Variants in GALNTL6 observed in about 807,000 individuals in gnomAD.
GALNTL6 encodes the protein polypeptide N-acetylgalactosaminyltransferase like 6.
Under a neutral mutation model 73.7 loss-of-function variants are expected in GALNTL6, and 46 were observed. The ratio of observed to expected loss-of-function variants is 0.62; its 90% CI spans 0.49 to 0.80. The LOEUF is 0.80. GALNTL6 is among the 30% of genes least tolerant of loss of function. The pLI is 0.00. For missense variants in GALNTL6, 604 were observed against 755.0 expected (o/e 0.80, Z 2.34); for synonymous variants, 259 against 263.7 (o/e 0.98, Z 0.17).
chr4:172,870,374 A>G (rs1744863460), intron 7 of GALNTL6, among the ~76,000 whole-genome samples: 1 of 152,034 alleles, frequency 6.6e-6, no homozygotes, highest in Non-Finnish European at 1.5e-5. Context: ...GCCTGAGCAA[A>G]TTTCTATATT....
chr4:172,247,492 C>T (rs1737702536), intron 3 of GALNTL6, among the ~76,000 whole-genome samples: 3 of 152,186 alleles, frequency 2.0e-5, no homozygotes, highest in Admixed American at 2.0e-4. Flanking sequence ...CTCCTTCCAA[C>T]AGTCATTCTC....
chr4:171,967,247 C>T (rs763986030), intron 2 of GALNTL6, among the ~76,000 whole-genome samples: 3 of 152,082 alleles, frequency 2.0e-5, no homozygotes, highest in Non-Finnish European at 2.9e-5. Context: ...TGTTGAGTAC[C>T]GTGTTGAATG....
At chr4:172,221,510 T>C (rs1736675499) in intron 2 of GALNTL6, among the ~76,000 whole-genome samples, 1 of 151,844 alleles carries the variant, frequency 6.6e-6, no homozygotes, top group Non-Finnish European at 1.5e-5. Flanking sequence ...TATTTGCTTT[T>C]ATGTTTCTAC....
chr4:172,546,795 T>TAC lies in GALNTL6; in HGVS notation c.553+198107_553+198108dup, dbSNP rs1735774501. The stretch of plus-strand genomic sequence containing the variant: ...TTTTCAACTCCGCTTTATATATATA[T>TAC]ACGTATATATACGTATATATATACG... On this transcript the variant is annotated intron_variant, in intron 5 of 12. Transcript: ENST00000506823. Among the ~76,000 whole-genome samples, 13 of 38,920 alleles carry TAC rather than the reference T, an allele frequency of 3.3e-4. 1 individual carries two copies. In the South Asian group the frequency reaches 0.012, roughly 36 times the overall value. 25.5% of individuals were successfully genotyped at this position (38,920 alleles called of 152,430 possible).
chr4:171,813,689 GGACGA>G lies in GALNTL6; in HGVS notation c.-468_-464del, dbSNP rs571308649. ...AGCGTGAGAGCGTCACCGGGGGAAG[GGACGA>G]GATTGATGGGCAGAGCGCTCACTTC... On this transcript the variant is annotated 5_prime_UTR_variant, in exon 1 of 13. Coordinates refer to ENST00000506823, the MANE Select transcript of GALNTL6 (RefSeq NM_001034845.3). This position sits in a 1 kb window ranked among gnomAD's most constrained non-coding sequence, Gnocchi z 5.2. 16 of 152,506 alleles carry G rather than the reference GGACGA, an allele frequency of 1.0e-4. No individual in the cohort carries two copies. The South Asian group carries it at 3.3e-3, about 32-fold the overall frequency. 9.4% of individuals were successfully genotyped at this position (152,506 alleles called of 1,614,324 possible).
At chr4:172,189,680 A>G (rs1735516544) in intron 2 of GALNTL6, among the ~76,000 whole-genome samples, 1 of 152,176 alleles carries the variant, frequency 6.6e-6, no homozygotes, top group Non-Finnish European at 1.5e-5. Context: ...CCCTTTTAAA[A>G]TTGAGAAGGG....
chr4:172,250,621 T>G (rs1737826886), intron 3 of GALNTL6, among the ~76,000 whole-genome samples: 1 of 152,118 alleles, frequency 6.6e-6, no homozygotes, highest in Non-Finnish European at 1.5e-5. Context: ...TTCTCTCTCC[T>G]TGCCACCACG....
chr4:172,784,526 G>A (rs755632089), intron 5 of GALNTL6, among the ~76,000 whole-genome samples: 1 of 152,042 alleles, frequency 6.6e-6, no homozygotes, highest in Non-Finnish European at 1.5e-5. Context: ...AGAATGGGTA[G>A]ACAGGGCAAT....
At chr4:172,780,836 A>G (rs571820291) in intron 5 of GALNTL6, among the ~76,000 whole-genome samples, 1 of 152,254 alleles carries the variant, frequency 6.6e-6, no homozygotes, top group Non-Finnish European at 1.5e-5. Flanking sequence ...GGCTGCTGAC[A>G]CCTCTGGGCC....
intron 7 of GALNTL6, among the ~76,000 whole-genome samples, chr4:172,834,463 C>A (rs1742804187): frequency 1.3e-5 from 2 of 152,222 alleles, no homozygotes; most frequent in African/African-American, 4.8e-5. Context: ...CAGGACAAGG[C>A]ACTTCCCAAT....
chr4:172,276,994 C>T (rs540127873), intron 3 of GALNTL6, among the ~76,000 whole-genome samples: 1 of 152,006 alleles, frequency 6.6e-6, no homozygotes, highest in Admixed American at 6.6e-5. Context: ...TATCTTGAAA[C>T]GCTCCTTTTC....
intron 5 of GALNTL6, among the ~76,000 whole-genome samples, chr4:172,517,860 A>C (rs1215648959): frequency 6.6e-6 from 1 of 152,254 alleles, no homozygotes; most frequent in East Asian, 1.9e-4. Context: ...AGCATGAAAA[A>C]ATTAAATTCA....
In GALNTL6 at chr4:172,619,351, C is replaced by A. The variant is rs1320113204; in HGVS notation, c.554-190010C>A. On this transcript the variant is annotated intron_variant, in intron 5 of 12. Coordinates refer to ENST00000506823, the MANE Select transcript of GALNTL6 (RefSeq NM_001034845.3). ...AATACCATACTAGAAAACCTTTACTCTTCATCCTAGTCATTTATTTGCACA... is the reference window on the plus strand; with the variant it reads ...AATACCATACTAGAAAACCTTTACTATTCATCCTAGTCATTTATTTGCACA... 3.9e-5 allele frequency among the ~76,000 whole-genome samples: 6 copies of A among 152,148 alleles called. No homozygotes were observed. In the East Asian group the frequency reaches 1.2e-3, roughly 29 times the overall value.
intron 5 of GALNTL6, among the ~76,000 whole-genome samples, chr4:172,580,150 C>T (rs1737122705): frequency 1.3e-5 from 2 of 152,250 alleles, no homozygotes; most frequent in South Asian, 4.1e-4. Context: ...GTTAATCTCA[C>T]AGTATAAAAT....
At chr4:172,036,223 A>C (rs188859248) in intron 2 of GALNTL6, among the ~76,000 whole-genome samples, 1 of 152,248 alleles carries the variant, frequency 6.6e-6, no homozygotes, top group East Asian at 1.9e-4. Flanking sequence ...TATAGAAAAA[A>C]AATGCAGGCT....
At position 172,138,506 on chromosome 4, in the gene GALNTL6, TATATATA is replaced by T. The variant is rs1475361013; in HGVS notation, c.139-91149_139-91143del. ...ATATATATATATATATATATATATA[TATATATA>T]TTTTTTTTTTTTTTTTTTTTTTTTT... On this transcript the variant is annotated intron_variant, in intron 2 of 12. Transcript: ENST00000506823. 7.5e-4 allele frequency among the ~76,000 whole-genome samples: 12 copies of T among 16,026 alleles called. 1 individual carries two copies. Among genetic ancestry groups the T allele is most frequent in the African/African-American group, 1.3e-3 (6 of 4,498 alleles). The allele number at this position is 16,026 out of a possible 152,430, so 10.5% of individuals were successfully genotyped here. A position where few individuals can be genotyped will look rare whatever the true frequency, so the allele number is the denominator to read the frequency against.
chr4:172,628,006 T>C (rs62328838), intron 5 of GALNTL6, among the ~76,000 whole-genome samples: 87,434 of 151,668 alleles, frequency 0.58, 27,223 homozygotes, highest in East Asian at 0.93. Context: ...TTCTCTCAGT[T>C]CTGCTCTGTG....
intron 5 of GALNTL6, among the ~76,000 whole-genome samples, chr4:172,803,671 G>A (rs1740790430): frequency 6.6e-6 from 1 of 152,104 alleles, no homozygotes; most frequent in Non-Finnish European, 1.5e-5. Context: ...TAATTCATTA[G>A]GAGTTGCAAA....
intron 5 of GALNTL6, among the ~76,000 whole-genome samples, chr4:172,386,769 A>T (rs1249558584): frequency 6.6e-6 from 1 of 152,040 alleles, no homozygotes; most frequent in Admixed American, 6.6e-5. Context: ...AGAGGGAGAA[A>T]AATTTACCCT....
Sources: allele counts gnomAD v4.1 joint callset (sites outside exome capture counted in the v4.1 genomes callset), GRCh38; gene constraint gnomAD v4.1.1; non-coding constraint Gnocchi (gnomAD v3.1); transcripts MANE v1.5; gene names NCBI Gene and HGNC (gene_info 2026-07-23, HGNC 2026-07-21).